Variants in LUZP2 observed in about 807,000 individuals in gnomAD.
The protein encoded by LUZP2 is leucine zipper protein 2.
Under a neutral mutation model 51.6 loss-of-function variants are expected in LUZP2, and 52 were observed. That is an observed-to-expected ratio of 1.01 (90% CI 0.81 to 1.27). LUZP2 has a LOEUF of 1.27. Ranked by LOEUF, LUZP2 falls within the 50% of genes most tolerant of loss-of-function variation. LUZP2 has a pLI of 0.00. For synonymous variants in LUZP2, 154 were observed against 137.3 expected, an observed-to-expected ratio of 1.12 and a Z score of -0.85; for missense variants, 436 against 395.4, an observed-to-expected ratio of 1.10 and a Z score of -0.87.
chr11:24,546,850 C>T (rs1394149604), intron 1 of LUZP2, among the ~76,000 whole-genome samples: 1 of 151,974 alleles, frequency 6.6e-6, no homozygotes. Context: ...AGGAATGGTA[C>T]CAGCTCTTCT....
intron 7 of LUZP2, among the ~76,000 whole-genome samples, chr11:24,917,578 T>C (rs1299696614): frequency 6.6e-6 from 1 of 152,196 alleles, no homozygotes; most frequent in Non-Finnish European, 1.5e-5. Flanking sequence ...CCAGCACCAT[T>C]TATTAAATAG....
chr11:24,657,017 A>T (rs1855829690), intron 1 of LUZP2, among the ~76,000 whole-genome samples: 1 of 152,224 alleles, frequency 6.6e-6, no homozygotes, highest in African/African-American at 2.4e-5. Context: ...GGAGGGCAGG[A>T]TGGAGATAAT....
At chr11:24,843,652 G>A (rs1307969006) in intron 5 of LUZP2, among the ~76,000 whole-genome samples, 1 of 152,114 alleles carries the variant, frequency 6.6e-6, no homozygotes, top group Non-Finnish European at 1.5e-5. Flanking sequence ...ACAAAGAAGA[G>A]TGATATGGTT....
At chr11:24,683,377 T>A (rs1304977593) in intron 1 of LUZP2, among the ~76,000 whole-genome samples, 4 of 152,176 alleles carry the variant, frequency 2.6e-5, no homozygotes, top group Non-Finnish European at 4.4e-5. Flanking sequence ...GGGGGCTTCT[T>A]TATTTAGGAG....
chr11:24,524,013 G>A (rs2133807699), intron 1 of LUZP2, among the ~76,000 whole-genome samples: 2 of 151,826 alleles, frequency 1.3e-5, no homozygotes, highest in African/African-American at 4.8e-5. Flanking sequence ...TCCTGAATGA[G>A]TCTGAATTTA....
intron 9 of LUZP2, among the ~76,000 whole-genome samples, chr11:25,014,164 G>T (rs951228541): frequency 3.3e-5 from 5 of 152,154 alleles, no homozygotes; most frequent in African/African-American, 1.2e-4. Context: ...GGACATTTGG[G>T]TTGGTTCCAA....
At chr11:24,597,889 G>T (rs1426221762) in intron 1 of LUZP2, among the ~76,000 whole-genome samples, 1 of 152,076 alleles carries the variant, frequency 6.6e-6, no homozygotes, top group Non-Finnish European at 1.5e-5. Context: ...AACACTTGAG[G>T]TCAGGAGTTC....
chr11:25,022,676 A>G lies in LUZP2; in HGVS notation c.766-27362A>G, dbSNP rs112663420. 5.3e-3 allele frequency among the ~76,000 whole-genome samples: 807 copies of G among 152,256 alleles called. 11 individuals carry two copies. The highest frequency in any genetic ancestry group is 0.027 in the Middle Eastern group (8 of 294). On this transcript the variant is annotated intron_variant, in intron 9 of 11. Transcript: ENST00000336930. ...GATTGTGGGAAGATAAAAGTTATCT[A>G]GGAAATCTGTGTTCCTAAATCAATA...
At chr11:25,030,822 A>T (rs1857624653) in intron 9 of LUZP2, among the ~76,000 whole-genome samples, 1 of 141,380 alleles carries the variant, frequency 7.1e-6, no homozygotes, top group African/African-American at 2.6e-5. Context: ...TAATCTTTTG[A>T]TTTGCAAAAA....
intron 9 of LUZP2, among the ~76,000 whole-genome samples, chr11:25,022,004 T>G (rs1036993473): frequency 6.6e-6 from 1 of 152,062 alleles, no homozygotes; most frequent in Non-Finnish European, 1.5e-5. Context: ...TCACCTTCTT[T>G]TGGTTCATTA....
chr11:24,764,421 T>G (rs888419995), intron 5 of LUZP2, among the ~76,000 whole-genome samples: 3 of 145,900 alleles, frequency 2.1e-5, no homozygotes, highest in African/African-American at 5.1e-5. Flanking sequence ...TTAGGGAGGC[T>G]GAGGTGGGAG....
At chr11:24,585,677 A>C (rs984250193) in intron 1 of LUZP2, among the ~76,000 whole-genome samples, 5 of 152,150 alleles carry the variant, frequency 3.3e-5, no homozygotes, top group Non-Finnish European at 7.4e-5. Context: ...TGCTGAAGAA[A>C]AAACATTTCT....
At position 24,705,388 on chromosome 11, in the gene LUZP2, G is replaced by A. The variant is rs577035565; in HGVS notation, c.63-23781G>A. 4.6e-5 allele frequency among the ~76,000 whole-genome samples: 7 copies of A among 152,114 alleles called. No individual in the cohort carries two copies. The South Asian group carries it at 1.5e-3, about 32-fold the overall frequency. ...TTTGGTAGAAAACAAAATCAATCGA[G>A]GTTTTAAGATTAACAGTCAAGTAAT... is the stretch of plus-strand genomic sequence containing the variant. On this transcript the variant is annotated intron_variant, in intron 1 of 11. Transcript: ENST00000336930.
intron 7 of LUZP2, among the ~76,000 whole-genome samples, chr11:24,950,943 T>C (rs1403706248): frequency 6.6e-6 from 1 of 151,528 alleles, no homozygotes; most frequent in Non-Finnish European, 1.5e-5. Flanking sequence ...TTTTGTGTTA[T>C]AGTGATAGCT....
intron 1 of LUZP2, among the ~76,000 whole-genome samples, chr11:24,555,341 T>C (rs1851835301): frequency 6.6e-6 from 1 of 152,178 alleles, no homozygotes; most frequent in South Asian, 2.1e-4. Flanking sequence ...AGGGTTATCA[T>C]GGAGTAAATC....
intron 5 of LUZP2, among the ~76,000 whole-genome samples, chr11:24,768,372 A>C (rs1173797068): frequency 6.6e-6 from 1 of 152,206 alleles, no homozygotes; most frequent in Admixed American, 6.5e-5. Flanking sequence ...GGCCTCCCAA[A>C]GTGCTGGGAT....
chr11:24,796,491 CTGTGTGTGTGTGTGTG>C (rs57329413), intron 5 of LUZP2, among the ~76,000 whole-genome samples: 4 of 124,638 alleles, frequency 3.2e-5, no homozygotes, highest in East Asian at 2.2e-4. Flanking sequence ...TAATAATAAT[CTGTGTGTGTGTGTGTG>C]TGTGTGTGTG....
At chr11:24,568,636 A>G (rs1852327599) in intron 1 of LUZP2, among the ~76,000 whole-genome samples, 1 of 151,936 alleles carries the variant, frequency 6.6e-6, no homozygotes, top group African/African-American at 2.4e-5. Flanking sequence ...GAAAATTATT[A>G]TAATATAATT....
chr11:25,017,139 ATTTG>A (rs1419610834), intron 9 of LUZP2, among the ~76,000 whole-genome samples: 1 of 152,006 alleles, frequency 6.6e-6, no homozygotes. Context: ...TTTCTTGCTG[ATTTG>A]TTTAAGTTCC....
Sources: allele counts gnomAD v4.1 joint callset (sites outside exome capture counted in the v4.1 genomes callset), GRCh38; gene constraint gnomAD v4.1.1; transcripts MANE v1.5; gene names NCBI Gene and HGNC (gene_info 2026-07-23, HGNC 2026-07-21).